The following NPAS3 variants were observed in gnomAD, a reference collection of about 807,000 sequenced individuals.
NPAS3 encodes neuronal PAS domain protein 3, also known as neuronal PAS domain-containing protein 3.
In NPAS3, 14 loss-of-function variants were observed where a neutral mutation model predicts 73.1. The observed-to-expected ratio is 0.19, with a 90% CI of 0.13 to 0.30. The LOEUF is 0.30. NPAS3 is among the 10% of genes least tolerant of loss of function. The probability of loss-of-function intolerance (pLI) is 1.00; values close to 1 mark genes in which losing one functional copy is unlikely to be tolerated. For synonymous variants in NPAS3, 620 were observed against 541.5 expected, an observed-to-expected ratio of 1.14 and a Z score of -2.01; for missense variants, 1,096 against 1,250.0, an observed-to-expected ratio of 0.88 and a Z score of 1.86.
At chr14:33,271,643 AAAAAATACCTGATTTT>A (rs1475831010) in intron 3 of NPAS3, among the ~76,000 whole-genome samples, 7 of 152,178 alleles carry the variant, frequency 4.6e-5, no homozygotes, top group African/African-American at 1.7e-4. Flanking sequence ...AATATTTATT[AAAAAATACCTGATTTT>A]AAAAAATTCC....
At chr14:33,266,411 A>T (rs2139988557) in intron 3 of NPAS3, among the ~76,000 whole-genome samples, 1 of 152,292 alleles carries the variant, frequency 6.6e-6, no homozygotes, top group Non-Finnish European at 1.5e-5. Context: ...CTAGGTTCCA[A>T]GTCTCACACC....
intron 5 of NPAS3, among the ~76,000 whole-genome samples, chr14:33,616,467 C>T (rs1010082739): frequency 1.3e-5 from 2 of 152,188 alleles, no homozygotes; most frequent in African/African-American, 4.8e-5. Flanking sequence ...GGTGAGATCA[C>T]ACAAATCCAG....
In NPAS3 at chr14:33,799,703, CCCGCCA is replaced by C. The variant is rs770038327; in HGVS notation, c.1427-25_1427-20del. 7.8e-6 allele frequency: 12 copies of C among 1,546,470 alleles called. No individual in the cohort carries two copies. In the South Asian group the frequency reaches 1.2e-4, roughly 15 times the overall value. ...GTCTTCTCTCTCTTCTCTCTCCGCC[CCCGCCA>C]CCGCCGGCCCCCCGCCCCACACAGA... On this transcript the variant is annotated intron_variant, in intron 11 of 11. Transcript: ENST00000356141.
chr14:32,946,352 A>ACACG, intron 1 of NPAS3, among the ~76,000 whole-genome samples: 1 of 139,158 alleles, frequency 7.2e-6, no homozygotes, highest in South Asian at 2.2e-4. Flanking sequence ...ACACGCGCAC[A>ACACG]CACACACACA....
intron 4 of NPAS3, among the ~76,000 whole-genome samples, chr14:33,521,049 A>G (rs1391876485): frequency 6.6e-6 from 1 of 152,144 alleles, no homozygotes; most frequent in Non-Finnish European, 1.5e-5. Flanking sequence ...CAAGACCAAT[A>G]TCTGAAGCTT....
intron 4 of NPAS3, among the ~76,000 whole-genome samples, chr14:33,420,691 C>T (rs2048330005): frequency 6.6e-6 from 1 of 151,776 alleles, no homozygotes; most frequent in South Asian, 2.1e-4. Flanking sequence ...AAGTGGAAAG[C>T]ATAGGAAATA....
chr14:33,500,995 A>G (rs1303364708), intron 4 of NPAS3, among the ~76,000 whole-genome samples: 1 of 152,026 alleles, frequency 6.6e-6, no homozygotes, highest in African/African-American at 2.4e-5. Context: ...GAAAATGTTT[A>G]TTTAAAAAAT....
intron 4 of NPAS3, among the ~76,000 whole-genome samples, chr14:33,445,779 A>C (rs1208214350): frequency 6.6e-6 from 1 of 152,240 alleles, no homozygotes; most frequent in Non-Finnish European, 1.5e-5. Flanking sequence ...CATTTTAAGC[A>C]AGAATGAACT....
chr14:33,618,052 A>T (rs1429264618), intron 5 of NPAS3, among the ~76,000 whole-genome samples: 1 of 152,186 alleles, frequency 6.6e-6, no homozygotes, highest in Non-Finnish European at 1.5e-5. Context: ...CCTTGGATCA[A>T]TTATATATAA....
At chr14:32,960,244 T>A (rs964801680) in intron 1 of NPAS3, among the ~76,000 whole-genome samples, 2 of 152,200 alleles carry the variant, frequency 1.3e-5, no homozygotes, top group Admixed American at 1.3e-4. Context: ...TTACACTGAT[T>A]ACCAAAGTTA....
At chr14:33,380,811 G>A (rs944881741) in intron 4 of NPAS3, among the ~76,000 whole-genome samples, 1 of 152,086 alleles carries the variant, frequency 6.6e-6, no homozygotes, top group Non-Finnish European at 1.5e-5. Flanking sequence ...GAATTGTCAG[G>A]TCGGAGCAGC....
At chr14:32,942,436 T>G (rs2036056961) in intron 1 of NPAS3, among the ~76,000 whole-genome samples, 1 of 152,258 alleles carries the variant, frequency 6.6e-6, no homozygotes, top group Admixed American at 6.5e-5. Context: ...CTTACATTTC[T>G]CTGAATTACA....
At chr14:33,563,328 A>G (rs2055744411) in intron 5 of NPAS3, among the ~76,000 whole-genome samples, 1 of 150,166 alleles carries the variant, frequency 6.7e-6, no homozygotes, top group Non-Finnish European at 1.5e-5. Context: ...GCATGGGGAT[A>G]GAGACAGCCA....
chr14:32,967,993 A>G (rs781010837), intron 1 of NPAS3, among the ~76,000 whole-genome samples: 4 of 152,170 alleles, frequency 2.6e-5, no homozygotes, highest in Non-Finnish European at 5.9e-5. Context: ...GCACAGAGAG[A>G]CAAATACTGC....
At chr14:32,984,565 G>A (rs1384147712) in intron 1 of NPAS3, among the ~76,000 whole-genome samples, 1 of 152,052 alleles carries the variant, frequency 6.6e-6, no homozygotes, top group African/African-American at 2.4e-5. Context: ...ATTTTGAATG[G>A]AAATAATTTT....
rs146463182 is a variant in NPAS3 at position 33,356,655 on chromosome 14, C to T, written c.386-10531C>T. On this transcript the variant is annotated intron_variant, in intron 3 of 11. Coordinates refer to ENST00000356141, the Ensembl canonical transcript of NPAS3. ...TGACACAGGGCATCTGTGGGGGGTG[C>T]TTGGCTCTTGTCTAAAGCAAGAGTT... 4.7e-3 allele frequency among the ~76,000 whole-genome samples: 710 copies of T among 152,310 alleles called. 5 individuals carry two copies. The highest frequency in any genetic ancestry group is 0.016 in the African/African-American group (658 of 41,556).
chr14:33,454,927 C>G (rs540611077), intron 4 of NPAS3, among the ~76,000 whole-genome samples: 32 of 152,246 alleles, frequency 2.1e-4, no homozygotes, highest in Non-Finnish European at 2.9e-4. Context: ...AGTGAGTGGC[C>G]TCAGGATCAC....
chr14:33,064,850 A>G (rs74041775), intron 2 of NPAS3, among the ~76,000 whole-genome samples: 4,675 of 152,286 alleles, frequency 0.031, 88 homozygotes, highest in Middle Eastern at 0.082. Context: ...ATGTATATCC[A>G]TGTATATAGG....
chr14:33,549,228 G>A (rs1008398504), intron 4 of NPAS3, among the ~76,000 whole-genome samples: 3 of 152,090 alleles, frequency 2.0e-5, no homozygotes, highest in Non-Finnish European at 2.9e-5. Context: ...ACAAATTTGA[G>A]CACCTATTTT....
Sources: gnomAD v4.1 joint callset for allele counts (sites outside exome capture counted in the v4.1 genomes callset) on GRCh38, gnomAD v4.1.1 for gene constraint, MANE v1.5 for transcripts, NCBI Gene and HGNC (gene_info 2026-07-23, HGNC 2026-07-21) for gene names.